ZNF469: variants seen among roughly 807,000 people sequenced by gnomAD.
The protein encoded by ZNF469 is zinc finger protein 469.
ZNF469 carries 1 observed loss-of-function variant against 1.0 expected under a neutral mutation model. That is an observed-to-expected ratio of 1.00 (90% confidence interval 0.35 to 4.73). The LOEUF (loss-of-function observed/expected upper bound fraction) is 4.73. ZNF469 is among the 30% of genes most tolerant of loss of function. The pLI is 0.16. For missense variants in ZNF469, 6,100 were observed against 5,356.3 expected, an observed-to-expected ratio of 1.14 and a Z score of -4.33; for synonymous variants, 2,703 against 2,363.4, an observed-to-expected ratio of 1.14 and a Z score of -4.17.
chr16:88,320,901 T>A, the ZNF469 span, among the ~76,000 whole-genome samples: 1 of 152,050 alleles, frequency 6.6e-6, no homozygotes, highest in African/African-American at 2.4e-5. Flanking sequence ...CCCCTCAGAC[T>A]CTGCAAGTGG....
the ZNF469 span, among the ~76,000 whole-genome samples, chr16:88,299,742 A>G: frequency 9.2e-5 from 14 of 152,174 alleles, no homozygotes; most frequent in African/African-American, 3.4e-4. Context: ...TGCCTCTGCC[A>G]CAGGGGCCCC....
At chr16:88,401,678 C>CATGG (rs148630242) in intron 1 of ZNF469, among the ~76,000 whole-genome samples, 12 of 106,006 alleles carry the variant, frequency 1.1e-4, no homozygotes, top group South Asian at 3.2e-4. Context: ...TGGGTGAGTG[C>CATGG]ATGGATGGAT....
Position 88,437,127 on chromosome 16 carries a change from G to A in ZNF469, c.9657G>A (p.Glu3219=), listed in dbSNP as rs1906642615. 1 of 1,548,466 alleles carries A rather than the reference G, an allele frequency of 6.5e-7. No individual in the cohort carries two copies. The highest frequency in any genetic ancestry group is 8.7e-7 in the Non-Finnish European group (1 of 1,146,594). ...TGGGGGACCTGCCCGGAGGCCTGGAGGGCAGCAGCGCTGTCGCCCACCTTC... is the reference window on the plus strand; with the variant it reads ...TGGGGGACCTGCCCGGAGGCCTGGAAGGCAGCAGCGCTGTCGCCCACCTTC... ...RSLGDLPGGL[E]GSSAVAHLLN... is the part of the protein sequence containing the mutation. The change falls in exon 3 of 3, where the codon GAG becomes GAA. Residue 3219 remains glutamate, a synonymous_variant. Coordinates refer to ENST00000565624, the MANE Select transcript of ZNF469 (RefSeq NM_001367624.2).
the ZNF469 span, among the ~76,000 whole-genome samples, chr16:88,376,664 G>A: frequency 6.6e-6 from 1 of 152,262 alleles, no homozygotes; most frequent in Non-Finnish European, 1.5e-5. Context: ...CCGGCTGAGC[G>A]TGTCTGGAGA....
chr16:88,236,494 C>T, the ZNF469 span, among the ~76,000 whole-genome samples: 7 of 152,242 alleles, frequency 4.6e-5, no homozygotes, highest in African/African-American at 1.7e-4. Flanking sequence ...CCATCACAGC[C>T]TGAACTTGTT....
the ZNF469 span, among the ~76,000 whole-genome samples, chr16:88,206,944 G>T: frequency 1.3e-3 from 1 of 784 alleles, no homozygotes; most frequent in African/African-American, 4.7e-3. Flanking sequence ...CCGCGGGGAC[G>T]GAGGGGAGGG....
chr16:88,219,368 A>T, the ZNF469 span, among the ~76,000 whole-genome samples: 8 of 136,222 alleles, frequency 5.9e-5, no homozygotes, highest in Non-Finnish European at 9.5e-5. Context: ...ACTTCAAACT[A>T]TACTACAAGG....
the ZNF469 span, among the ~76,000 whole-genome samples, chr16:88,263,078 C>G: frequency 6.6e-6 from 1 of 152,206 alleles, no homozygotes; most frequent in Non-Finnish European, 1.5e-5. Flanking sequence ...AAAAAACAAG[C>G]TCTGTATGAG....
At chr16:88,102,889 C>A in the ZNF469 span, among the ~76,000 whole-genome samples, 1 of 152,248 alleles carries the variant, frequency 6.6e-6, no homozygotes, top group Non-Finnish European at 1.5e-5. Context: ...TGACACGTGG[C>A]AGAATGCATG....
chr16:88,142,401 G>A, the ZNF469 span, among the ~76,000 whole-genome samples: 5 of 152,352 alleles, frequency 3.3e-5, no homozygotes, highest in South Asian at 6.2e-4. Flanking sequence ...AGAATCCTGC[G>A]AGGGTTATCC....
At chr16:88,263,637 T>C in the ZNF469 span, among the ~76,000 whole-genome samples, 1 of 151,872 alleles carries the variant, frequency 6.6e-6, no homozygotes, top group African/African-American at 2.4e-5. Flanking sequence ...GGGTCAAGGG[T>C]GCAGTGGGCA....
chr16:88,401,515 G>GTGAA (rs1904855187), intron 1 of ZNF469, among the ~76,000 whole-genome samples: 1 of 120,724 alleles, frequency 8.3e-6, no homozygotes, highest in African/African-American at 2.9e-5. Context: ...GGATGGGTGA[G>GTGAA]TGGATGGATG....
the ZNF469 span, among the ~76,000 whole-genome samples, chr16:88,345,391 A>G: frequency 7.2e-5 from 11 of 152,198 alleles, no homozygotes; most frequent in Non-Finnish European, 1.0e-4. Context: ...CAATTAACTT[A>G]AATGTAAGCA....
At chr16:88,406,443 C>A (rs547094260) in intron 1 of ZNF469, among the ~76,000 whole-genome samples, 1 of 152,378 alleles carries the variant, frequency 6.6e-6, no homozygotes, top group African/African-American at 2.4e-5. Context: ...CTGTCCTCCT[C>A]CCTGCCGTGC....
At chr16:88,389,632 C>G (rs759226668) in intron 1 of ZNF469, among the ~76,000 whole-genome samples, 2 of 152,176 alleles carry the variant, frequency 1.3e-5, no homozygotes, top group Non-Finnish European at 2.9e-5. Flanking sequence ...CCTCTTACCC[C>G]GACTCTGTGG....
the ZNF469 span, among the ~76,000 whole-genome samples, chr16:88,258,406 T>C: frequency 2.6e-5 from 4 of 151,088 alleles, no homozygotes; most frequent in Non-Finnish European, 5.9e-5. Context: ...CAGAGCTGAA[T>C]GGCTCACCCC....
chr16:88,157,265 C>A, the ZNF469 span, among the ~76,000 whole-genome samples: 4 of 152,098 alleles, frequency 2.6e-5, no homozygotes, highest in African/African-American at 7.2e-5. Flanking sequence ...CTCTTTCTCC[C>A]TGAACACTCG....
At chr16:88,292,837 T>C in the ZNF469 span, among the ~76,000 whole-genome samples, 9 of 150,380 alleles carry the variant, frequency 6.0e-5, no homozygotes, top group East Asian at 1.6e-3. Context: ...CAGAATTTGA[T>C]TTCCATCCAG....
chr16:88,121,183 G>GA, the ZNF469 span, among the ~76,000 whole-genome samples: 1 of 128,224 alleles, frequency 7.8e-6, no homozygotes, highest in Non-Finnish European at 1.6e-5. Context: ...GGGGGTTGGG[G>GA]GGGTGTTGCA....
Sources: allele counts gnomAD v4.1 joint callset (sites outside exome capture counted in the v4.1 genomes callset), GRCh38; gene constraint gnomAD v4.1.1; transcripts MANE v1.5; gene names NCBI Gene and HGNC (gene_info 2026-07-23, HGNC 2026-07-21).